The following SORD variants were observed in gnomAD, a reference collection of about 807,000 sequenced individuals.
The protein encoded by SORD is (R,R)-butanediol dehydrogenase.
Under a neutral mutation model 35.6 loss-of-function variants are expected in SORD, and 18 were observed. The observed-to-expected ratio is 0.51, with a 90% CI of 0.35 to 0.75. The LOEUF is 0.75. Ranked by LOEUF, SORD falls within the 30% of genes least tolerant of loss-of-function variation. The pLI is 0.01. For synonymous variants in SORD, 106 were observed against 152.9 expected, an observed-to-expected ratio of 0.69 and a Z score of 2.26; for missense variants, 250 against 390.2, an observed-to-expected ratio of 0.64 and a Z score of 3.03.
At chr15:45,066,162 T>G (rs1182787940) in intron 5 of SORD, among the ~76,000 whole-genome samples, 1 of 150,456 alleles carries the variant, frequency 6.6e-6, no homozygotes, top group Non-Finnish European at 1.5e-5. Flanking sequence ...GGAGAATCAC[T>G]TGAACCTGGG....
At chr15:45,055,534 G>A (rs1010323058) in intron 3 of SORD, among the ~76,000 whole-genome samples, 1 of 152,304 alleles carries the variant, frequency 6.6e-6, no homozygotes. Context: ...GGACCAGATG[G>A]ATTCAGAGCT....
intron 1 of SORD, among the ~76,000 whole-genome samples, chr15:45,027,197 G>A (rs145690364): frequency 0.2 from 29,420 of 147,294 alleles, no homozygotes; most frequent in African/African-American, 0.44. Flanking sequence ...GAGAGTTGGA[G>A]GGAGGAAAAG....
intron 1 of SORD, among the ~76,000 whole-genome samples, chr15:45,037,569 T>C (rs1323521645): frequency 6.6e-6 from 1 of 152,208 alleles, no homozygotes; most frequent in Non-Finnish European, 1.5e-5. Flanking sequence ...GACCTTAGTC[T>C]TTAGTTTCAA....
chr15:45,069,443 C>T (rs763873835), intron 7 of SORD, among the ~76,000 whole-genome samples: 19 of 151,916 alleles, frequency 1.3e-4, no homozygotes, highest in Non-Finnish European at 2.4e-4. Context: ...ATCTCCTGAC[C>T]TCATGATCCG....
intron 3 of SORD, among the ~76,000 whole-genome samples, chr15:45,060,161 G>A (rs1228772569): frequency 6.6e-6 from 1 of 152,186 alleles, no homozygotes; most frequent in Non-Finnish European, 1.5e-5. Context: ...TCTGCAGCCT[G>A]CTTTGAAGTG....
intron 1 of SORD, among the ~76,000 whole-genome samples, chr15:45,038,615 T>G (rs2141268105): frequency 6.6e-6 from 1 of 152,234 alleles, no homozygotes; most frequent in Admixed American, 6.5e-5. Flanking sequence ...TACAAACACT[T>G]GAGTTTAGGG....
intron 3 of SORD, among the ~76,000 whole-genome samples, chr15:45,060,074 A>G (rs1306238688): frequency 3.9e-5 from 6 of 152,238 alleles, no homozygotes; most frequent in African/African-American, 1.4e-4. Context: ...ATACCTTTAA[A>G]AAAGAACCAT....
chr15:45,056,978 A>G (rs1223921225), intron 3 of SORD, among the ~76,000 whole-genome samples: 1 of 152,202 alleles, frequency 6.6e-6, no homozygotes, highest in Non-Finnish European at 1.5e-5. Context: ...GGAATACTCA[A>G]TCTCAATGCG....
In SORD at chr15:45,065,356, A is replaced by G. The variant is rs1443878290; in HGVS notation, c.511A>G (p.Thr171Ala). ...GIHACRRGGV[T>A]LGHKVLVCGA... ...CCATGCCTGCAGGAGAGGCGGAGTT[A>G]CCCTGGGACACAAGGTCCTTGTGTG... The change falls in exon 5 of 9, where the codon ACC (threonine) becomes GCC (alanine). Residue 171 changes from threonine to alanine, a missense_variant. Coordinates refer to ENST00000267814, the MANE Select transcript of SORD (RefSeq NM_003104.6). The G allele has an allele frequency of 1.9e-6, 3 of 1,613,486 alleles. No homozygotes were observed. Among genetic ancestry groups the G allele is most frequent in the Non-Finnish European group, 1.7e-6 (2 of 1,179,738 alleles).
chr15:45,034,816 T>C (rs977490587), intron 1 of SORD, among the ~76,000 whole-genome samples: 1 of 152,232 alleles, frequency 6.6e-6, no homozygotes, highest in Non-Finnish European at 1.5e-5. Context: ...CTCCCTCAGC[T>C]TGCAGGGAGG....
At position 45,023,197 on chromosome 15, in the gene SORD, T is replaced by G; in HGVS notation, c.-87T>G. On this transcript the variant is annotated 5_prime_UTR_variant, in exon 1 of 9. Transcript: ENST00000267814. ...CTCCCAGGCCCCACCTTCCATCCAG[T>G]GCCCTGGACCCTCGGCTGGGTAGCG... 6.1e-6 allele frequency: 7 copies of G among 1,141,374 alleles called. No individual in the cohort carries two copies. 70.7% of individuals were successfully genotyped at this position (1,141,374 alleles called of 1,614,324 possible). A position where few individuals can be genotyped will look rare whatever the true frequency, so the allele number is the denominator to read the frequency against.
intron 3 of SORD, among the ~76,000 whole-genome samples, chr15:45,048,300 A>G (rs2141273411): frequency 6.6e-6 from 1 of 152,316 alleles, no homozygotes; most frequent in African/African-American, 2.4e-5. Context: ...TTCTATGTTT[A>G]GCAATAAAAA....
At chr15:45,035,285 C>G (rs969672504) in intron 1 of SORD, among the ~76,000 whole-genome samples, 1 of 152,194 alleles carries the variant, frequency 6.6e-6, no homozygotes, top group African/African-American at 2.4e-5. Flanking sequence ...CTGGGTGAAG[C>G]CAGCTGGGCT....
At chr15:45,053,196 A>G (rs1893157160) in intron 3 of SORD, among the ~76,000 whole-genome samples, 1 of 152,214 alleles carries the variant, frequency 6.6e-6, no homozygotes, top group Non-Finnish European at 1.5e-5. Context: ...AGTCACAACA[A>G]GCATACCAAG....
chr15:45,028,973 C>T (rs1892724890), intron 1 of SORD, among the ~76,000 whole-genome samples: 1 of 152,206 alleles, frequency 6.6e-6, no homozygotes, highest in African/African-American at 2.4e-5. Flanking sequence ...TCTATGTGAT[C>T]AGATTAAAGG....
chr15:45,036,240 A>C (rs1297588604), intron 1 of SORD: 1 of 442,038 alleles, frequency 2.3e-6, no homozygotes, highest in African/African-American at 2.0e-5. Context: ...AGTCAGTGAG[A>C]CCAAGAACCC....
In SORD at chr15:45,065,302, G is replaced by T; in HGVS notation, c.457G>T (p.Ala153Ser). 6.2e-7 allele frequency: 1 copy of T among 1,613,952 alleles called. No individual in the cohort carries two copies. Among genetic ancestry groups the T allele is most frequent in the Non-Finnish European group, 8.5e-7 (1 of 1,179,892 alleles). The change falls in exon 5 of 9, where the codon GCC (alanine) becomes TCC (serine). Residue 153 changes from alanine (A) to serine (S), a missense_variant. Coordinates refer to ENST00000267814, the MANE Select transcript of SORD (RefSeq NM_003104.6). ...TGACAATGTCACCTTTGAGGAAGGC[G>T]CCCTGATCGAGCCACTTTCTGTGGG... ...LPDNVTFEEG[A>S]LIEPLSVGIH...
chr15:45,031,191 T>G (rs1373009086), intron 1 of SORD, among the ~76,000 whole-genome samples: 1 of 152,188 alleles, frequency 6.6e-6, no homozygotes, highest in African/African-American at 2.4e-5. Context: ...GATAGCACAC[T>G]CCTGTAGTCA....
chr15:45,048,958 G>T (rs1297577604), intron 3 of SORD, among the ~76,000 whole-genome samples: 1 of 152,194 alleles, frequency 6.6e-6, no homozygotes, highest in East Asian at 1.9e-4. Flanking sequence ...AGCACAGGGT[G>T]CAGCTTCTCT....
Sources: gnomAD v4.1 joint callset for allele counts (sites outside exome capture counted in the v4.1 genomes callset) on GRCh38, gnomAD v4.1.1 for gene constraint, MANE v1.5 for transcripts, NCBI Gene and HGNC (gene_info 2026-07-23, HGNC 2026-07-21) for gene names.